ZNF276: variants seen among roughly 807,000 people sequenced by gnomAD.
ZNF276 encodes centromere protein Z.
A neutral mutation model predicts 63.9 loss-of-function variants in ZNF276; 59 were observed. That is an observed-to-expected ratio of 0.92 (90% CI 0.75 to 1.15). ZNF276 has a LOEUF of 1.15. Ranked by LOEUF, ZNF276 falls within the 50% of genes most tolerant of loss-of-function variation. The probability of loss-of-function intolerance (pLI) is 0.00; values close to 1 mark genes in which losing one functional copy is unlikely to be tolerated. For synonymous variants in ZNF276, 496 were observed against 348.4 expected (o/e 1.42, Z -4.72); for missense variants, 1,084 against 843.8 (o/e 1.28, Z -3.53).
chr16:89,738,560 A>C lies in ZNF276; in HGVS notation c.*314A>C, dbSNP rs554525485. 1 of 1,612,206 alleles carries C rather than the reference A, an allele frequency of 6.2e-7. No homozygotes were observed. The stretch of plus-strand genomic sequence containing the variant: ...CTCCATGTTATGCTTGTAATAAATT[A>C]TTTACACGGGAGCTGGGCTGGTGTG... On this transcript the variant is annotated 3_prime_UTR_variant, in exon 11 of 11. Transcript: ENST00000443381.
rs2062096130 is a variant in ZNF276, at chr16:89,740,271, C to A, written c.*2025C>A. On this transcript the variant is annotated 3_prime_UTR_variant, in exon 11 of 11. Coordinates refer to ENST00000443381, the MANE Select transcript of ZNF276 (RefSeq NM_001113525.2). ...ATACTGGGCCTCTGGACAGAAGAGGCTCAGGTAGGAGGCCAGGGACTTCGA... is the reference window on the plus strand; with the variant it reads ...ATACTGGGCCTCTGGACAGAAGAGGATCAGGTAGGAGGCCAGGGACTTCGA... 3 of 659,720 alleles carry A rather than the reference C, an allele frequency of 4.5e-6. No individual in the cohort carries two copies. In the South Asian group the frequency reaches 4.9e-5, roughly 11 times the overall value. The allele number at this position is 659,720 out of a possible 1,614,324, so 40.9% of individuals were successfully genotyped here.
chr16:89,739,333 A>T lies in ZNF276; in HGVS notation c.*1087A>T. 2 of 1,612,042 alleles carry T rather than the reference A, an allele frequency of 1.2e-6. No individual in the cohort carries two copies. Among genetic ancestry groups the T allele is most frequent in the Non-Finnish European group, 1.7e-6 (2 of 1,178,428 alleles). On this transcript the variant is annotated 3_prime_UTR_variant, in exon 11 of 11. Coordinates refer to ENST00000443381, the MANE Select transcript of ZNF276 (RefSeq NM_001113525.2). ...TGACAAATGGCTACAGACTGCTGGA[A>T]AGGTAGCAGGTGATGCCAAGGGATA... is the stretch of plus-strand genomic sequence containing the variant.
In ZNF276 at chr16:89,734,187, A is replaced by T; in HGVS notation, c.1474+149A>T. On this transcript the variant is annotated intron_variant, in intron 9 of 10. Transcript: ENST00000443381. ...CTTTGGTACTCAGTCACGTTGGTAG[A>T]TGAAGGCTAGAGTAGGGCGTCAGTG... 6.2e-6 allele frequency: 4 copies of T among 648,398 alleles called. No homozygotes were observed. The South Asian group carries it at 8.0e-5, about 13-fold the overall frequency. The allele number at this position is 648,398 out of a possible 1,614,324, so 40.2% of individuals were successfully genotyped here. A position where few individuals can be genotyped will look rare whatever the true frequency, so the allele number is the denominator to read the frequency against.
At chr16:89,729,759 C>G (rs772308000) in intron 6 of ZNF276, among the ~76,000 whole-genome samples, 4 of 152,222 alleles carry the variant, frequency 2.6e-5, no homozygotes, top group Non-Finnish European at 2.9e-5. Context: ...CCTCCCAGTT[C>G]TGACCCCATC....
In ZNF276 at chr16:89,723,033, C is replaced by G; in HGVS notation, c.510-104C>G. ...CTGGGGTGAGGGAAGAGAAAGTTGC[C>G]TATGGGGACCGCTGAGGTTTGAGAT... On this transcript the variant is annotated intron_variant, in intron 2 of 10. Transcript: ENST00000443381. 3 of 1,606,440 alleles carry G rather than the reference C, an allele frequency of 1.9e-6. No homozygotes were observed. The South Asian group carries it at 3.3e-5, about 18-fold the overall frequency.
intron 4 of ZNF276, among the ~76,000 whole-genome samples, chr16:89,724,878 A>C (rs1377254847): frequency 6.6e-6 from 1 of 152,118 alleles, no homozygotes; most frequent in South Asian, 2.1e-4. Flanking sequence ...CTACCTACCT[A>C]TCTGTATATC....
intron 9 of ZNF276, chr16:89,737,539 G>T: frequency 8.6e-6 from 4 of 467,388 alleles, no homozygotes; most frequent in Non-Finnish European, 1.5e-5. Flanking sequence ...AAAAAGACAA[G>T]AATCTGTGGT....
chr16:89,736,517 G>A (rs961296680), intron 9 of ZNF276, among the ~76,000 whole-genome samples: 1 of 151,524 alleles, frequency 6.6e-6, no homozygotes, highest in Non-Finnish European at 1.5e-5. Context: ...TAGAGACAGG[G>A]TTTTACCATA....
chr16:89,724,225 G>A (rs543355869), intron 4 of ZNF276, among the ~76,000 whole-genome samples: 1 of 152,234 alleles, frequency 6.6e-6, no homozygotes, highest in Non-Finnish European at 1.5e-5. Context: ...AGAACCCATA[G>A]CACTGTGGGC....
chr16:89,730,722 T>C (rs2061618241), intron 6 of ZNF276, among the ~76,000 whole-genome samples: 1 of 152,016 alleles, frequency 6.6e-6, no homozygotes, highest in Non-Finnish European at 1.5e-5. Flanking sequence ...CTGCGGCGAG[T>C]ACCAGGGGCA....
At chr16:89,723,108 C>G (rs767301093) in intron 2 of ZNF276, 29 bp from the exon 3 acceptor site, 9 of 1,613,132 alleles carry the variant, frequency 5.6e-6, no homozygotes, top group East Asian at 2.2e-5. Flanking sequence ...CCTGCTTGTC[C>G]TGCTCATGGC....
At position 89,721,615 on chromosome 16, in the gene ZNF276, G is replaced by A. The variant is rs2061277454; in HGVS notation, c.-26G>A. On this transcript the variant is annotated 5_prime_UTR_variant, in exon 1 of 11. Coordinates refer to ENST00000443381, the MANE Select transcript of ZNF276 (RefSeq NM_001113525.2). Reference sequence around the variant, plus strand: ...AACCTCGGGCCGGGCAGCACCCGCGGGATTCTGCTGGCGTCCTCCGCTGCC... The same window carrying A: ...AACCTCGGGCCGGGCAGCACCCGCGAGATTCTGCTGGCGTCCTCCGCTGCC... The A allele has an allele frequency of 2.0e-6, 3 of 1,474,982 alleles. No individual in the cohort carries two copies. The highest frequency in any genetic ancestry group is 2.3e-5 in the Admixed American group (1 of 43,034). The allele number at this position is 1,474,982 out of a possible 1,614,324, so 91.4% of individuals were successfully genotyped here.
chr16:89,720,803 G>A (rs1406304074), upstream of ZNF276: 1 of 1,461,620 alleles, frequency 6.8e-7, no homozygotes. Context: ...GGCCCCGTTG[G>A]CAAGCTTCAT....
rs1445563364 is a variant in ZNF276, at chr16:89,721,633, C to A, written c.-8C>A. The A allele has an allele frequency of 6.8e-7, 1 of 1,472,816 alleles. No homozygotes were observed. The highest frequency in any genetic ancestry group is 1.3e-5 in the South Asian group (1 of 78,300). 91.2% of individuals were successfully genotyped at this position (1,472,816 alleles called of 1,614,324 possible). On this transcript the variant is annotated 5_prime_UTR_variant, in exon 1 of 11. Coordinates refer to ENST00000443381, the MANE Select transcript of ZNF276 (RefSeq NM_001113525.2). Reference sequence around the variant, plus strand: ...ACCCGCGGGATTCTGCTGGCGTCCTCCGCTGCCATGAAGCGGGACCGGCTG... The same window carrying A: ...ACCCGCGGGATTCTGCTGGCGTCCTACGCTGCCATGAAGCGGGACCGGCTG...
Position 89,722,680 on chromosome 16 carries a change from C to A in ZNF276, c.355C>A (p.Arg119Ser). ...EERVLVRDFQ[R>S]LLGVAVRQDP... Reference sequence around the variant, plus strand: ...GCGCGTGCTCGTACGGGACTTCCAGCGCCTGCTTGGTGTGGCTGTCCGCCA... The same window carrying A: ...GCGCGTGCTCGTACGGGACTTCCAGAGCCTGCTTGGTGTGGCTGTCCGCCA... The change falls in exon 2 of 11, where the codon CGC becomes AGC. Residue 119 changes from arginine (R) to serine (S), a missense_variant. Arg to Ser is a moderately radical substitution (Grantham distance 110). Coordinates refer to ENST00000443381, the MANE Select transcript of ZNF276 (RefSeq NM_001113525.2). 1 of 1,612,372 alleles carries A rather than the reference C, an allele frequency of 6.2e-7. No individual in the cohort carries two copies. The highest frequency in any genetic ancestry group is 8.5e-7 in the Non-Finnish European group (1 of 1,180,028).
intron 6 of ZNF276, among the ~76,000 whole-genome samples, chr16:89,730,579 GT>G (rs2061613103): frequency 6.6e-6 from 1 of 152,202 alleles, no homozygotes; most frequent in Non-Finnish European, 1.5e-5. Context: ...GACCCCAGGA[GT>G]GCAGACAAAG....
intron 4 of ZNF276, among the ~76,000 whole-genome samples, chr16:89,725,260 C>T (rs1487569893): frequency 6.6e-6 from 1 of 151,594 alleles, no homozygotes; most frequent in Non-Finnish European, 1.5e-5. Flanking sequence ...GTTGGCCAGG[C>T]TTGGTCTCGA....
chr16:89,730,271 C>G (rs35178175), intron 6 of ZNF276, among the ~76,000 whole-genome samples: 2,169 of 152,274 alleles, frequency 0.014, 38 homozygotes, highest in South Asian at 0.095. Context: ...GTCCCTACCC[C>G]CAGGCTTGTT....
chr16:89,724,601 C>T (rs559101151), intron 4 of ZNF276, among the ~76,000 whole-genome samples: 2 of 152,170 alleles, frequency 1.3e-5, no homozygotes, highest in Non-Finnish European at 2.9e-5. Flanking sequence ...GAGCCGACAT[C>T]GCACAACCGT....
Sources: allele counts gnomAD v4.1 joint callset (sites outside exome capture counted in the v4.1 genomes callset), GRCh38; gene constraint gnomAD v4.1.1; transcripts MANE v1.5; gene names NCBI Gene and HGNC (gene_info 2026-07-23, HGNC 2026-07-21).